IRS1: variants seen among roughly 807,000 people sequenced by gnomAD.
IRS1 encodes the protein insulin receptor substrate 1.
A neutral mutation model predicts 65.6 loss-of-function variants in IRS1; 34 were observed. The observed-to-expected ratio is 0.52, with a 90% CI of 0.39 to 0.69. The LOEUF (loss-of-function observed/expected upper bound fraction) is 0.69, where lower values mean the gene tolerates loss of function less well. IRS1 is among the 30% of genes least tolerant of loss of function. The pLI, the probability that IRS1 is intolerant of heterozygous loss-of-function variation, is 0.00. For missense variants in IRS1, 1,641 were observed against 1,720.2 expected (o/e 0.95, Z 0.81); for synonymous variants, 699 against 683.5 (o/e 1.02, Z -0.35).
In IRS1 at chr2:226,754,056, G is replaced by A. The variant is rs563167612; in HGVS notation, c.*22-17806C>T. Among the ~76,000 whole-genome samples, 47 of 152,266 alleles carry A rather than the reference G, an allele frequency of 3.1e-4. No individual in the cohort carries two copies. The South Asian group carries it at 8.7e-3, about 28-fold the overall frequency. ...TTTTGTAGAGATGGGGTCTCAGCAC[G>A]TTGGCTAGGCTGGTCTCAAACTCCT... On this transcript the variant is annotated intron_variant, in intron 1 of 1. Coordinates refer to ENST00000305123, the MANE Select transcript of IRS1 (RefSeq NM_005544.3).
At chr2:226,746,085 G>A (rs200124904) in intron 1 of IRS1, among the ~76,000 whole-genome samples, 1 of 151,708 alleles carries the variant, frequency 6.6e-6, no homozygotes, top group East Asian at 1.9e-4. Context: ...TCAAATGAAT[G>A]CTATCTACAG....
intron 1 of IRS1, among the ~76,000 whole-genome samples, chr2:226,771,736 G>C (rs954861695): frequency 2.0e-5 from 3 of 152,064 alleles, no homozygotes; most frequent in Non-Finnish European, 4.4e-5. Context: ...CTCTGTCAAA[G>C]AGTGCTGAGA....
chr2:226,752,585 G>T (rs1938706630), intron 1 of IRS1, among the ~76,000 whole-genome samples: 1 of 152,208 alleles, frequency 6.6e-6, no homozygotes. Flanking sequence ...GATAGGAAAT[G>T]ATGAGGTGGC....
At chr2:226,741,816 C>T (rs879491445) in intron 1 of IRS1, among the ~76,000 whole-genome samples, 7,769 of 148,704 alleles carry the variant, frequency 0.052, 363 homozygotes, top group East Asian at 0.18. Context: ...CACACACACA[C>T]ACACACACAC....
chr2:226,773,045 C>G (rs1226814230), intron 1 of IRS1, among the ~76,000 whole-genome samples: 4 of 152,158 alleles, frequency 2.6e-5, no homozygotes, highest in Non-Finnish European at 5.9e-5. Context: ...CAGCATGAAA[C>G]AAGCAAAATC....
intron 1 of IRS1, among the ~76,000 whole-genome samples, chr2:226,748,489 A>G (rs1938604174): frequency 1.3e-5 from 2 of 152,004 alleles, no homozygotes; most frequent in African/African-American, 4.8e-5. Flanking sequence ...CTTCTGTTCC[A>G]GAATTAGTAG....
Position 226,762,010 on chromosome 2 carries a change from T to C in IRS1, c.*22-25760A>G, listed in dbSNP as rs531981965. Among the ~76,000 whole-genome samples, 5 of 152,314 alleles carry C rather than the reference T, an allele frequency of 3.3e-5. No homozygotes were observed. The East Asian group carries it at 9.6e-4, about 29-fold the overall frequency. On this transcript the variant is annotated intron_variant, in intron 1 of 1. Coordinates refer to ENST00000305123, the MANE Select transcript of IRS1 (RefSeq NM_005544.3). ...AAAAGCAAGTCAGAAAGAACTAAAA[T>C]GGCAGCATAGAGGCTGAGCTGTTGT...
At chr2:226,747,780 G>A (rs1938579350) in intron 1 of IRS1, among the ~76,000 whole-genome samples, 1 of 152,060 alleles carries the variant, frequency 6.6e-6, no homozygotes, top group South Asian at 2.1e-4. Context: ...AATCTCTAGG[G>A]TAATGGTTCT....
rs1344575970 is a variant in IRS1 at position 226,732,896 on chromosome 2, TCA to T, written c.*3374_*3375del. ...CATCTCTCCCCGCCAAGGTCTTAAT[TCA>T]CAGTGTCTGGATTCAGGGCCTCCTT... On this transcript the variant is annotated 3_prime_UTR_variant, in exon 2 of 2. Transcript: ENST00000305123. 1 of 152,140 alleles carries T rather than the reference TCA, an allele frequency of 6.6e-6. No homozygotes were observed. The highest frequency in any genetic ancestry group is 1.5e-5 in the Non-Finnish European group (1 of 68,026). 9.4% of individuals were successfully genotyped at this position (152,140 alleles called of 1,614,324 possible).
chr2:226,798,442 G>T lies in IRS1; in HGVS notation c.297C>A (p.Ser99Arg). Residue 99 changes from serine (S) to arginine (R), a missense_variant, in exon 1 of 2, where the codon AGC becomes AGA. Ser to Arg is a moderately radical substitution (Grantham distance 110). This residue lies in a region of IRS1 where 240 missense variants were observed against 229.6 expected (regional missense o/e 1.05). Coordinates refer to ENST00000305123, the MANE Select transcript of IRS1 (RefSeq NM_005544.3). This position sits in a 1 kb window ranked among gnomAD's most constrained non-coding sequence, Gnocchi z 9.4. The stretch of plus-strand genomic sequence containing the variant: ...GGTACCAGCTGTCTTGCTCGGCCTC[G>T]CTGTCCGCCGCGATGGCAAAGTGCT... The part of the protein sequence containing the change: ...RDEHFAIAAD[S>R]EAEQDSWYQA... 1.2e-6 allele frequency: 2 copies of T among 1,614,106 alleles called. No homozygotes were observed. Among genetic ancestry groups the T allele is most frequent in the Non-Finnish European group, 1.7e-6 (2 of 1,180,022 alleles).
In IRS1 at chr2:226,795,227, C is replaced by G; in HGVS notation, c.3512G>C (p.Gly1171Ala). 6.2e-7 allele frequency: 1 copy of G among 1,614,086 alleles called. No homozygotes were observed. Residue 1171 changes from glycine to alanine, a missense_variant, in exon 1 of 2, where the codon GGG becomes GCG. Transcript: ENST00000305123. The stretch of plus-strand genomic sequence containing the variant: ...GTAGTTAAGACCATTCTCCAAACCC[C>G]CAGCAGCCCCACACAGTTTGGCTGG... ...KEPAKLCGAA[G>A]GLENGLNYID...
intron 1 of IRS1, among the ~76,000 whole-genome samples, chr2:226,772,533 G>A (rs541561642): frequency 1.2e-4 from 19 of 152,210 alleles, no homozygotes; most frequent in African/African-American, 4.3e-4. Context: ...ACACACAATA[G>A]ATATAGCTAA....
chr2:226,772,504 T>C (rs1353673922), intron 1 of IRS1, among the ~76,000 whole-genome samples: 1 of 152,016 alleles, frequency 6.6e-6, no homozygotes, highest in African/African-American at 2.4e-5. Flanking sequence ...CTAAAACAAA[T>C]ACAGAATCAA....
intron 1 of IRS1, among the ~76,000 whole-genome samples, chr2:226,764,136 T>C (rs1013704167): frequency 6.6e-6 from 1 of 151,956 alleles, no homozygotes; most frequent in African/African-American, 2.4e-5. Context: ...TTTCCCCCCA[T>C]ACTAGATTTC....
At position 226,795,957 on chromosome 2, in the gene IRS1, G is replaced by A; in HGVS notation, c.2782C>T (p.Gln928Ter). The A allele has an allele frequency of 2.5e-6, 4 of 1,614,114 alleles. No homozygotes were observed. The highest frequency in any genetic ancestry group is 3.4e-6 in the Non-Finnish European group (4 of 1,180,044). ...SPSVRCPSQL[Q>*]PAPREEETGT... ...GTCTCTTCCTCTCTGGGAGCTGGCTGGAGCTGGGATGGACACCTGACAGAA... is the reference window on the plus strand; with the variant it reads ...GTCTCTTCCTCTCTGGGAGCTGGCTAGAGCTGGGATGGACACCTGACAGAA... Residue 928 changes from glutamine (Q) to a stop codon, truncating the protein, a stop_gained, in exon 1 of 2, where the codon CAG becomes TAG. Coordinates refer to ENST00000305123, the MANE Select transcript of IRS1 (RefSeq NM_005544.3). LOFTEE classifies it high-confidence loss of function.
intron 1 of IRS1, among the ~76,000 whole-genome samples, chr2:226,748,259 TA>T: frequency 6.6e-6 from 1 of 151,654 alleles, no homozygotes; most frequent in South Asian, 2.1e-4. Flanking sequence ...TGAAACCCCA[TA>T]TCTACTAAAA....
In IRS1 at chr2:226,732,578, A is replaced by T. The variant is rs1938244595; in HGVS notation, c.*3694T>A. On this transcript the variant is annotated 3_prime_UTR_variant, in exon 2 of 2. Coordinates refer to ENST00000305123, the MANE Select transcript of IRS1 (RefSeq NM_005544.3). ...TATCTATATATGTGTGTATATATCT[A>T]TATATTTGTATATATTCATCTATAT... The T allele has an allele frequency of 6.7e-6, 1 of 149,622 alleles. No individual in the cohort carries two copies. Among genetic ancestry groups the T allele is most frequent in the Non-Finnish European group, 1.5e-5 (1 of 67,616 alleles). 9.3% of individuals were successfully genotyped at this position (149,622 alleles called of 1,614,324 possible). A position where few individuals can be genotyped will look rare whatever the true frequency, so the allele number is the denominator to read the frequency against.
rs1003396803 is a variant in IRS1, at chr2:226,798,775, G to C, written c.-37C>G. ...CACCACCAACGCTGAGCAGAGGGAG[G>C]CTCCGAAAAACAACCGGGTGGGGGG... is the stretch of plus-strand genomic sequence containing the variant. On this transcript the variant is annotated 5_prime_UTR_variant, in exon 1 of 2. Transcript: ENST00000305123. The surrounding 1 kb of genome is among the most constrained non-coding windows in gnomAD (Gnocchi z 9.4). 3 of 1,592,192 alleles carry C rather than the reference G, an allele frequency of 1.9e-6. No homozygotes were observed. The highest frequency in any genetic ancestry group is 2.2e-5 in the South Asian group (2 of 89,362).
rs1243329079 is a variant in IRS1 at position 226,798,279 on chromosome 2, C to A, written c.460G>T (p.Val154Leu). Residue 154 changes from valine (V) to leucine (L), a missense_variant, in exon 1 of 2, where the codon GTG becomes TTG. Transcript: ENST00000305123. This position sits in a 1 kb window ranked among gnomAD's most constrained non-coding sequence, Gnocchi z 9.4. ...TCTTTGAATGCGGGTCCTGGGGGCA[C>A]GTCACCGTAGCTCAAGTCCTCCCCA... Reference protein sequence around the residue: ...EAGEDLSYGDVPPGPAFKEVW... With the variant: ...EAGEDLSYGDLPPGPAFKEVW... The A allele has an allele frequency of 4.3e-6, 7 of 1,613,110 alleles. No individual in the cohort carries two copies. The South Asian group carries it at 4.4e-5, about 10-fold the overall frequency.
Sources: allele counts gnomAD v4.1 joint callset (sites outside exome capture counted in the v4.1 genomes callset), GRCh38; gene constraint gnomAD v4.1.1; regional missense constraint gnomAD v4.1.1; non-coding constraint Gnocchi (gnomAD v3.1); transcripts MANE v1.5; gene names NCBI Gene and HGNC (gene_info 2026-07-23, HGNC 2026-07-21).